MYRIP: variants seen among roughly 807,000 people sequenced by gnomAD.
The protein encoded by MYRIP is rab effector MyRIP.
Under a neutral mutation model 98.0 loss-of-function variants are expected in MYRIP, and 49 were observed. The observed-to-expected ratio is 0.50, with a 90% CI of 0.40 to 0.63. The LOEUF is 0.63. Among genes scored for constraint, MYRIP ranks in the 30% least tolerant of loss-of-function variants. MYRIP has a pLI of 0.00. For synonymous variants in MYRIP, 404 were observed against 409.5 expected (o/e 0.99, Z 0.16); for missense variants, 1,004 against 1,058.2 (o/e 0.95, Z 0.71).
chr3:40,257,986 A>G (rs766506374), intron 16 of MYRIP, 148 bp from the exon 17 acceptor site: 2 of 792,824 alleles, frequency 2.5e-6, no homozygotes, highest in Non-Finnish European at 4.2e-6. Context: ...TTTAAAAATG[A>G]CATCAGTTTC....
intron 11 of MYRIP, among the ~76,000 whole-genome samples, chr3:40,221,947 A>T (rs1952349437): frequency 6.6e-6 from 1 of 152,196 alleles, no homozygotes; most frequent in African/African-American, 2.4e-5. Flanking sequence ...AACAGATGGG[A>T]CATAGGCATT....
rs754882957 is a variant in MYRIP, at chr3:40,209,929, G to C, written c.1741G>C (p.Glu581Gln). ...DPQTLTDTTE[E>Q]KRRNRLYELA... ...CCAGACTCTCACAGACACCACAGAG[G>C]AGAAACGGAGAAACAGGCTGTACGA... The change falls in exon 11 of 17, where the codon GAG becomes CAG. Residue 581 changes from glutamate to glutamine, a missense_variant. This residue lies in a region of MYRIP where 880 missense variants were observed against 907.7 expected (regional missense o/e 0.97). Transcript: ENST00000302541. 6.8e-6 allele frequency: 11 copies of C among 1,613,806 alleles called. No homozygotes were observed. The highest frequency in any genetic ancestry group is 3.3e-4 in the Middle Eastern group (2 of 6,084).
intron 3 of MYRIP, among the ~76,000 whole-genome samples, chr3:40,073,230 G>A (rs577533198): frequency 6.6e-6 from 1 of 152,258 alleles, no homozygotes; most frequent in Admixed American, 6.5e-5. Flanking sequence ...TGTCTTCTTG[G>A]AGGAAAGGAT....
intron 2 of MYRIP, among the ~76,000 whole-genome samples, chr3:40,042,966 C>T (rs1454578675): frequency 1.3e-5 from 2 of 152,224 alleles, no homozygotes; most frequent in African/African-American, 4.8e-5. Context: ...ATATCTCCCT[C>T]ATGACCTCAT....
At chr3:40,033,641 C>A (rs1947310239) in intron 2 of MYRIP, among the ~76,000 whole-genome samples, 1 of 152,176 alleles carries the variant, frequency 6.6e-6, no homozygotes, top group Admixed American at 6.6e-5. Context: ...AATGGCCATA[C>A]TGCCCAAGGT....
chr3:39,875,030 G>T (rs1304313838), intron 1 of MYRIP, among the ~76,000 whole-genome samples: 2 of 152,144 alleles, frequency 1.3e-5, no homozygotes, highest in African/African-American at 4.8e-5. Flanking sequence ...ACTGTTATTG[G>T]TCTATTCAGA....
chr3:40,152,778 C>G (rs1212593774), intron 4 of MYRIP, among the ~76,000 whole-genome samples: 4 of 152,076 alleles, frequency 2.6e-5, no homozygotes, highest in Non-Finnish European at 5.9e-5. Flanking sequence ...GGCTCAAGGC[C>G]TGGCACATCT....
At chr3:40,167,264 G>A (rs1288860080) in intron 7 of MYRIP, 25 bp downstream of exon 7, 3 of 1,609,872 alleles carry the variant, frequency 1.9e-6, no homozygotes, top group Admixed American at 3.3e-5. Flanking sequence ...GCAGTGGGAT[G>A]GCTGCAGTTT....
chr3:40,038,289 T>C (rs904234758), intron 2 of MYRIP, among the ~76,000 whole-genome samples: 4 of 152,062 alleles, frequency 2.6e-5, no homozygotes, highest in African/African-American at 9.7e-5. Context: ...CTTAAATGCA[T>C]AGATTAGGAA....
chr3:40,142,907 G>A (rs923633936), intron 3 of MYRIP, among the ~76,000 whole-genome samples: 1 of 152,228 alleles, frequency 6.6e-6, no homozygotes, highest in African/African-American at 2.4e-5. Flanking sequence ...CACCTACTGA[G>A]GCTTAGAAGC....
intron 3 of MYRIP, among the ~76,000 whole-genome samples, chr3:40,063,420 A>G (rs1190759817): frequency 6.6e-6 from 1 of 152,208 alleles, no homozygotes; most frequent in East Asian, 1.9e-4. Context: ...CCAGTAGTAA[A>G]GCAACATATT....
At chr3:40,055,417 T>G (rs892096782) in intron 3 of MYRIP, among the ~76,000 whole-genome samples, 10 of 152,300 alleles carry the variant, frequency 6.6e-5, no homozygotes, top group African/African-American at 2.4e-4. Context: ...TGCTCCTCAT[T>G]TAGCCCCTAA....
At chr3:40,163,836 C>T (rs1180378425) in intron 5 of MYRIP, among the ~76,000 whole-genome samples, 2 of 152,136 alleles carry the variant, frequency 1.3e-5, no homozygotes, top group Non-Finnish European at 2.9e-5. Flanking sequence ...TATATATATC[C>T]TATTGGTTCT....
At chr3:40,039,725 C>T (rs927948588) in intron 2 of MYRIP, among the ~76,000 whole-genome samples, 2 of 27,806 alleles carry the variant, frequency 7.2e-5, no homozygotes, top group Non-Finnish European at 2.2e-4. Flanking sequence ...TACTGTTTTC[C>T]CTTTTTTTTT....
At chr3:39,986,069 G>A (rs1946024217) in intron 2 of MYRIP, among the ~76,000 whole-genome samples, 1 of 152,204 alleles carries the variant, frequency 6.6e-6, no homozygotes, top group Non-Finnish European at 1.5e-5. Flanking sequence ...TCTGACGTAA[G>A]GAAAGTTTTT....
chr3:39,819,681 A>G (rs1206480772), intron 1 of MYRIP, among the ~76,000 whole-genome samples: 1 of 152,220 alleles, frequency 6.6e-6, no homozygotes, highest in African/African-American at 2.4e-5. Flanking sequence ...ACAGCGTGAC[A>G]CCACCAGAGG....
At chr3:39,860,152 A>C (rs909225202) in intron 1 of MYRIP, among the ~76,000 whole-genome samples, 2 of 152,230 alleles carry the variant, frequency 1.3e-5, no homozygotes, top group African/African-American at 4.8e-5. Context: ...CTAATAAATA[A>C]ATTCAACTAT....
At chr3:39,969,270 C>T (rs1050088445) in intron 2 of MYRIP, among the ~76,000 whole-genome samples, 2 of 152,064 alleles carry the variant, frequency 1.3e-5, no homozygotes, top group Admixed American at 1.3e-4. Context: ...TGTCTGCAAA[C>T]ATATAGTTTG....
chr3:40,198,100 C>T (rs1290933834), intron 10 of MYRIP, among the ~76,000 whole-genome samples: 1 of 152,170 alleles, frequency 6.6e-6, no homozygotes, highest in East Asian at 1.9e-4. Context: ...AGGGCTTACG[C>T]TTTATCACTA....
Sources: allele counts gnomAD v4.1 joint callset (sites outside exome capture counted in the v4.1 genomes callset), GRCh38; gene constraint gnomAD v4.1.1; regional missense constraint gnomAD v4.1.1; transcripts MANE v1.5; gene names NCBI Gene and HGNC (gene_info 2026-07-23, HGNC 2026-07-21).